The following TBC1D19 variants were observed in gnomAD, a reference collection of about 807,000 sequenced individuals.
TBC1D19 encodes the protein TBC1 domain family member 19, also known as TBC1 domain family, member 19.
A neutral mutation model predicts 89.0 loss-of-function variants in TBC1D19; 60 were observed. That is an observed-to-expected ratio of 0.67 (90% CI 0.55 to 0.84). The LOEUF is 0.84. Among genes scored for constraint, TBC1D19 ranks in the 40% least tolerant of loss-of-function variants. TBC1D19 has a pLI of 0.00. For missense variants in TBC1D19, 500 were observed against 610.8 expected (o/e 0.82, Z 1.91); for synonymous variants, 189 against 199.7 (o/e 0.95, Z 0.45).
At chr4:26,763,171 G>A in the TBC1D19 span, among the ~76,000 whole-genome samples, 1 of 152,148 alleles carries the variant, frequency 6.6e-6, no homozygotes, top group South Asian at 2.1e-4. Flanking sequence ...ATGATCGAAT[G>A]TAAACCAAAA....
intron 17 of TBC1D19, among the ~76,000 whole-genome samples, chr4:26,741,932 A>G (rs1718400333): frequency 6.6e-6 from 1 of 152,242 alleles, no homozygotes; most frequent in African/African-American, 2.4e-5. Context: ...TGTGTATACT[A>G]AGTAATCAAA....
At chr4:26,721,469 C>T (rs1294157398) in intron 15 of TBC1D19, among the ~76,000 whole-genome samples, 6 of 152,014 alleles carry the variant, frequency 3.9e-5, no homozygotes, top group African/African-American at 9.7e-5. Flanking sequence ...ACACCATCCC[C>T]GCTGCCTTGT....
downstream of TBC1D19, among the ~76,000 whole-genome samples, chr4:26,760,673 T>C (rs1719429332): frequency 6.6e-6 from 1 of 152,218 alleles, no homozygotes; most frequent in Non-Finnish European, 1.5e-5. Flanking sequence ...TTCTTAACTA[T>C]GAGATAGTTA....
chr4:26,581,959 A>G (rs893226827), upstream of TBC1D19, among the ~76,000 whole-genome samples: 2 of 151,828 alleles, frequency 1.3e-5, no homozygotes, highest in Non-Finnish European at 2.9e-5. Context: ...ATTTAAAGAT[A>G]TTAGGATTAA....
At chr4:26,591,815 A>G (rs1207782367) in intron 1 of TBC1D19, among the ~76,000 whole-genome samples, 2 of 152,260 alleles carry the variant, frequency 1.3e-5, no homozygotes, top group Admixed American at 6.5e-5. Flanking sequence ...GAATAGGCCA[A>G]TAACAGGCTC....
chr4:26,675,528 A>AT (rs1021862725), intron 11 of TBC1D19, among the ~76,000 whole-genome samples: 2 of 152,062 alleles, frequency 1.3e-5, no homozygotes, highest in African/African-American at 2.4e-5. Context: ...AGCAACCCTG[A>AT]TTTTTTTATT....
At chr4:26,650,999 C>G (rs187429121) in intron 7 of TBC1D19, among the ~76,000 whole-genome samples, 1,865 of 152,242 alleles carry the variant, frequency 0.012, 26 homozygotes, top group Middle Eastern at 0.02. Flanking sequence ...TGGTTTTTCT[C>G]AGGTTTGTCA....
chr4:26,673,634 AT>A, intron 10 of TBC1D19, 141 bp from the exon 11 acceptor site: 1 of 637,276 alleles, frequency 1.6e-6, no homozygotes, highest in East Asian at 3.0e-5. Flanking sequence ...CAGAGAATAA[AT>A]TTTAAAAGGT....
At position 26,746,804 on chromosome 4, in the gene TBC1D19, G is replaced by C. The variant is rs190171467; in HGVS notation, c.1320-1607G>C. 3.6e-3 allele frequency among the ~76,000 whole-genome samples: 547 copies of C among 152,150 alleles called. 3 individuals are homozygous for C. The highest frequency in any genetic ancestry group is 6.2e-3 in the Non-Finnish European group (420 of 68,000). ...TAAAATAGAACAATTATAACAATAT[G>C]CAAGCATCACTACTCTTACTCTTTG... On this transcript the variant is annotated intron_variant, in intron 18 of 20. Transcript: ENST00000264866.
chr4:26,728,631 G>T (rs1296074751), intron 15 of TBC1D19, among the ~76,000 whole-genome samples: 1 of 152,150 alleles, frequency 6.6e-6, no homozygotes, highest in Non-Finnish European at 1.5e-5. Context: ...GAAGCTGGTG[G>T]CTATAGTGTC....
At chr4:26,767,378 T>G in the TBC1D19 span, among the ~76,000 whole-genome samples, 2 of 152,142 alleles carry the variant, frequency 1.3e-5, no homozygotes, top group Admixed American at 6.6e-5. Context: ...AAAACACCAC[T>G]TGAATAAATT....
upstream of TBC1D19, among the ~76,000 whole-genome samples, chr4:26,579,234 C>T (rs1739024829): frequency 3.9e-5 from 6 of 152,198 alleles, no homozygotes; most frequent in Admixed American, 3.9e-4. Context: ...ACCACTCTCA[C>T]ATAGAAGTCA....
intron 1 of TBC1D19, among the ~76,000 whole-genome samples, chr4:26,588,372 A>G (rs1213796337): frequency 2.0e-5 from 3 of 151,454 alleles, no homozygotes; most frequent in Non-Finnish European, 2.9e-5. Context: ...TATCAATTAT[A>G]TCAATACTTT....
the TBC1D19 span, among the ~76,000 whole-genome samples, chr4:26,778,501 G>T: frequency 6.6e-6 from 1 of 152,014 alleles, no homozygotes; most frequent in African/African-American, 2.4e-5. Context: ...GGAAAGGAAA[G>T]ATTATATAAT....
the TBC1D19 span, among the ~76,000 whole-genome samples, chr4:26,796,642 T>C: frequency 6.6e-6 from 1 of 152,104 alleles, no homozygotes; most frequent in African/African-American, 2.4e-5. Context: ...AAGGCTGCAG[T>C]GAGTGATGAC....
At chr4:26,787,595 C>G in the TBC1D19 span, among the ~76,000 whole-genome samples, 1 of 152,110 alleles carries the variant, frequency 6.6e-6, no homozygotes, top group Non-Finnish European at 1.5e-5. Flanking sequence ...ACTGAGGGGG[C>G]TCCCAGAGCC....
chr4:26,601,592 A>G (rs1192872548), intron 1 of TBC1D19, among the ~76,000 whole-genome samples: 1 of 152,226 alleles, frequency 6.6e-6, no homozygotes, highest in African/African-American at 2.4e-5. Flanking sequence ...TCTCTCTTAT[A>G]GGGTATTTCT....
chr4:26,591,838 A>C (rs1437312351), intron 1 of TBC1D19, among the ~76,000 whole-genome samples: 1 of 152,246 alleles, frequency 6.6e-6, no homozygotes, highest in Non-Finnish European at 1.5e-5. Flanking sequence ...AAATTGAGGC[A>C]ATAATAAATA....
At chr4:26,775,980 C>T in the TBC1D19 span, among the ~76,000 whole-genome samples, 1 of 152,226 alleles carries the variant, frequency 6.6e-6, no homozygotes, top group South Asian at 2.1e-4. Flanking sequence ...GTGACAGCCA[C>T]TTCAAGGAGT....
Sources: gnomAD v4.1 joint callset for allele counts (sites outside exome capture counted in the v4.1 genomes callset) on GRCh38, gnomAD v4.1.1 for gene constraint, MANE v1.5 for transcripts, NCBI Gene and HGNC (gene_info 2026-07-23, HGNC 2026-07-21) for gene names.